The following RPL3 variants were observed in gnomAD, a reference collection of about 807,000 sequenced individuals.
The protein encoded by RPL3 is ribosomal protein L3, also known as large ribosomal subunit protein uL3.
In RPL3, 3 loss-of-function variants were observed where a neutral mutation model predicts 46.0. That is an observed-to-expected ratio of 0.07 (90% CI 0.03 to 0.17). The LOEUF is 0.17. Among genes scored for constraint, RPL3 ranks in the 10% least tolerant of loss-of-function variants. RPL3 has a pLI of 1.00. For missense variants in RPL3, 387 were observed against 532.7 expected, an observed-to-expected ratio of 0.73 and a Z score of 2.69; for synonymous variants, 224 against 190.8, an observed-to-expected ratio of 1.17 and a Z score of -1.43.
chr22:39,317,751 C>T lies in RPL3; in HGVS notation c.197-122G>A, dbSNP rs1326513707. ...GCAACTGGGCCCCACACCTGCAGTA[C>T]GGACTCACAGGGCTGTCCTTACTGC... is the stretch of plus-strand genomic sequence containing the variant. On this transcript the variant is annotated intron_variant, in intron 2 of 9. Transcript: ENST00000216146. The T allele has an allele frequency of 2.2e-5, 23 of 1,064,972 alleles. No homozygotes were observed. The South Asian group carries it at 2.3e-4, about 11-fold the overall frequency. The allele number at this position is 1,064,972 out of a possible 1,614,324, so 66.0% of individuals were successfully genotyped here.
intron 3 of RPL3, 41 bp downstream of exon 3, chr22:39,317,420 C>T (rs755032623): frequency 6.4e-7 from 1 of 1,572,602 alleles, no homozygotes; most frequent in South Asian, 1.2e-5. Context: ...TCTCCAGCTC[C>T]CAAGCTCCCA....
At chr22:39,315,295 A>G in intron 5 of RPL3, 74 bp downstream of exon 5, 1 of 1,593,714 alleles carries the variant, frequency 6.3e-7, no homozygotes, top group East Asian at 2.2e-5. Context: ...TCTGAGCCTC[A>G]TCAACGAACA....
intron 1 of RPL3, 32 bp downstream of exon 1, chr22:39,319,563 G>C: frequency 1.3e-6 from 2 of 1,562,688 alleles, no homozygotes; most frequent in South Asian, 2.3e-5. Flanking sequence ...CGACGCCGGT[G>C]ACAATGAAAC....
chr22:39,313,485 T>C, intron 8 of RPL3, 149 bp downstream of exon 8: 1 of 1,267,260 alleles, frequency 7.9e-7, no homozygotes, highest in Non-Finnish European at 1.1e-6. Context: ...GACTGGGAAT[T>C]TCCTCATCTC....
At chr22:39,313,999 T>C (rs73412312) in intron 7 of RPL3, 108 bp downstream of exon 7, 3 of 925,754 alleles carry the variant, frequency 3.2e-6, no homozygotes, top group African/African-American at 1.6e-5. Flanking sequence ...CAGCTAGGTG[T>C]TGTGTTGGCT....
At chr22:39,315,157 C>T (rs1174753803) in intron 5 of RPL3, 16 of 832,656 alleles carry the variant, frequency 1.9e-5, no homozygotes, top group South Asian at 6.7e-5. Flanking sequence ...GGTCCAGGAA[C>T]GTGTTAAGAA....
chr22:39,318,650 G>A (rs1168361363), intron 1 of RPL3, 58 bp from the exon 2 acceptor site: 1 of 1,398,174 alleles, frequency 7.2e-7, no homozygotes, highest in Non-Finnish European at 9.7e-7. Flanking sequence ...CCCTTCTCTA[G>A]TTCCCAGCTG....
At chr22:39,315,720 C>G (rs9607632) in intron 4 of RPL3, among the ~76,000 whole-genome samples, 165 bp from the exon 5 acceptor site, 5,214 of 152,276 alleles carry the variant, frequency 0.034, 133 homozygotes, top group Non-Finnish European at 0.056. Flanking sequence ...TCATTTTTGC[C>G]AACAGCAACA....
chr22:39,318,469 G>A lies in RPL3; in HGVS notation c.127C>T (p.Leu43Phe), dbSNP rs1363950331. 5.6e-6 allele frequency: 9 copies of A among 1,613,932 alleles called. No individual in the cohort carries two copies. The highest frequency in any genetic ancestry group is 5.9e-6 in the Non-Finnish European group (7 of 1,179,974). The change falls in exon 2 of 10, where the codon CTC becomes TTC. Residue 43 changes from leucine (L) to phenylalanine (F), a missense_variant. This residue lies in a region of RPL3 where 196 missense variants were observed against 217.5 expected (regional missense o/e 0.90). Transcript: ENST00000216146. The part of the protein sequence containing the change: ...PKDDPSKPVH[L>F]TAFLGYKAGM... ...GCCTTGTATCCCAGGAAGGCTGTGA[G>A]GTGGACCGGCTTGGACGGGTCATCC...
Position 39,317,469 on chromosome 22 carries a change from A to G in RPL3, c.357T>C (p.Tyr119=), listed in dbSNP as rs1922775363. 6.2e-7 allele frequency: 1 copy of G among 1,613,524 alleles called. No individual in the cohort carries two copies. The highest frequency in any genetic ancestry group is 8.5e-7 in the Non-Finnish European group (1 of 1,179,552). ...HISDECKRRF[Y]KNWHKSKKKA... is the part of the protein sequence containing the mutation. Reference sequence around the variant, plus strand: ...ATGGCCTCCTCCCTTACCAATTCTTATAGAAACGCCTCTTGCATTCATCAC... The same window carrying G: ...ATGGCCTCCTCCCTTACCAATTCTTGTAGAAACGCCTCTTGCATTCATCAC... The change falls in exon 3 of 10, where the codon TAT becomes TAC. Residue 119 remains tyrosine, a synonymous_variant. Coordinates refer to ENST00000216146, the MANE Select transcript of RPL3 (RefSeq NM_000967.4).
chr22:39,314,404 T>A (rs1246581567), intron 6 of RPL3, 196 bp from the exon 7 acceptor site: 1 of 637,412 alleles, frequency 1.6e-6, no homozygotes, highest in Admixed American at 2.8e-5. Flanking sequence ...AAACTAAAGA[T>A]CCTGCTGTAC....
At chr22:39,319,315 T>C in intron 1 of RPL3, 2 of 579,522 alleles carry the variant, frequency 3.5e-6, no homozygotes, top group Non-Finnish European at 6.2e-6. Context: ...GGTCGAAACT[T>C]AGAAATGACT....
rs116854052 is a variant in RPL3, at chr22:39,319,475, G to C, written c.3+120C>G. On this transcript the variant is annotated intron_variant, in intron 1 of 9. Transcript: ENST00000216146. ...TAGGCCAGACTGAAGTCCCCGCTGGGTCGCCCGTGCCCCTAAAGCAAACCC... is the reference window on the plus strand; with the variant it reads ...TAGGCCAGACTGAAGTCCCCGCTGGCTCGCCCGTGCCCCTAAAGCAAACCC... The C allele has an allele frequency of 6.0e-3, 8,130 of 1,360,286 alleles. 346 individuals carry two copies. The Admixed American group carries it at 0.09, about 15-fold the overall frequency. 84.3% of individuals were successfully genotyped at this position (1,360,286 alleles called of 1,614,324 possible). A position where few individuals can be genotyped will look rare whatever the true frequency, so the allele number is the denominator to read the frequency against.
chr22:39,316,740 T>A lies in RPL3; in HGVS notation c.467A>T (p.Tyr156Phe). Residue 156 changes from tyrosine (Y) to phenylalanine (F), a missense_variant, in exon 4 of 10, where the codon TAC (tyrosine) becomes TTC (phenylalanine). Tyr to Phe is a conservative substitution (Grantham distance 22, BLOSUM62 3). This residue lies in a region of RPL3 where 196 missense variants were observed against 217.5 expected (regional missense o/e 0.90). Coordinates refer to ENST00000216146, the MANE Select transcript of RPL3 (RefSeq NM_000967.4). ...GGCAATGACACGGATGACTTGGCAGTACTTCTTCATGCTGCTGAAGTCCTT... is the reference window on the plus strand; with the variant it reads ...GGCAATGACACGGATGACTTGGCAGAACTTCTTCATGCTGCTGAAGTCCTT... ...LEKDFSSMKK[Y>F]CQVIRVIAHT... 1 of 1,612,954 alleles carries A rather than the reference T, an allele frequency of 6.2e-7. No individual in the cohort carries two copies. Among genetic ancestry groups the A allele is most frequent in the Non-Finnish European group, 8.5e-7 (1 of 1,179,878 alleles).
At chr22:39,314,626 C>T in intron 6 of RPL3, 60 bp downstream of exon 6, 1 of 1,545,688 alleles carries the variant, frequency 6.5e-7, no homozygotes, top group Non-Finnish European at 8.8e-7. Context: ...GGCACAGAAA[C>T]CCCACTCCCC....
chr22:39,314,506 T>C, intron 6 of RPL3, 180 bp downstream of exon 6: 1 of 787,024 alleles, frequency 1.3e-6, no homozygotes, highest in Non-Finnish European at 2.0e-6. Context: ...ACAGCCACTC[T>C]ACAGGATGGC....
intron 4 of RPL3, 117 bp downstream of exon 4, chr22:39,316,589 G>A: frequency 1.5e-6 from 2 of 1,316,190 alleles, no homozygotes; most frequent in Non-Finnish European, 1.1e-6. Context: ...AGGACACAGT[G>A]CCCTCTGCTG....
In RPL3 at chr22:39,318,393, T is replaced by C; in HGVS notation, c.196+7A>G. On this transcript the variant is annotated splice_region_variant and intron_variant, in intron 2 of 9. Coordinates refer to ENST00000216146, the MANE Select transcript of RPL3 (RefSeq NM_000967.4). ...ATTCCCCCAACTTTTAGGATGTCTG[T>C]ACATACTGGATCCCGGCCTGTCGAC... 1.9e-6 allele frequency: 3 copies of C among 1,613,686 alleles called. No individual in the cohort carries two copies. The highest frequency in any genetic ancestry group is 2.2e-5 in the East Asian group (1 of 44,874).
intron 2 of RPL3, 47 bp downstream of exon 2, chr22:39,318,353 T>TCC: frequency 6.4e-7 from 1 of 1,573,974 alleles, no homozygotes; most frequent in Non-Finnish European, 8.6e-7. Flanking sequence ...ACAATTTCCC[T>TCC]CCCCCTCCAC....
Sources: gnomAD v4.1 joint callset for allele counts (sites outside exome capture counted in the v4.1 genomes callset) on GRCh38, gnomAD v4.1.1 for gene constraint, gnomAD v4.1.1 regional missense constraint, MANE v1.5 for transcripts, NCBI Gene and HGNC (gene_info 2026-07-23, HGNC 2026-07-21) for gene names.